Variants in CNTN1 observed in about 807,000 individuals in gnomAD.
CNTN1 encodes contactin 1.
A neutral mutation model predicts 126.4 loss-of-function variants in CNTN1; 38 were observed. The ratio of observed to expected loss-of-function variants is 0.30; its 90% CI spans 0.23 to 0.39. The LOEUF (loss-of-function observed/expected upper bound fraction) is 0.39, where lower values mean the gene tolerates loss of function less well. Ranked by LOEUF, CNTN1 falls within the 10% of genes least tolerant of loss-of-function variation. The pLI, the probability that CNTN1 is intolerant of heterozygous loss-of-function variation, is 1.00. For missense variants in CNTN1, 1,009 were observed against 1,248.4 expected (o/e 0.81, Z 2.89); for synonymous variants, 413 against 422.6 (o/e 0.98, Z 0.28).
At chr12:40,752,443 C>T (rs1670934615) in intron 1 of CNTN1, among the ~76,000 whole-genome samples, 1 of 152,038 alleles carries the variant, frequency 6.6e-6, no homozygotes, top group Non-Finnish European at 1.5e-5. Context: ...GGCATTAAAA[C>T]ATTTTAAGTG....
intron 6 of CNTN1, among the ~76,000 whole-genome samples, chr12:40,926,228 G>T (rs947117014): frequency 1.3e-5 from 2 of 148,442 alleles, no homozygotes; most frequent in Non-Finnish European, 3.0e-5. Flanking sequence ...TAGATATAAT[G>T]CAGGGAAGTG....
At position 40,866,132 on chromosome 12, in the gene CNTN1, T is replaced by G. The variant is rs934646411; in HGVS notation, c.-76-42225T>G. Among the ~76,000 whole-genome samples the G allele has an allele frequency of 2.0e-5, 3 of 152,202 alleles. No individual in the cohort carries two copies. The East Asian group carries it at 5.8e-4, about 29-fold the overall frequency. ...TTTTAGATTGTTCATTGCAAGTATA[T>G]AGAATATGATTATTTTTTGCATATT... On this transcript the variant is annotated intron_variant, in intron 1 of 23. Coordinates refer to ENST00000551295, the MANE Select transcript of CNTN1 (RefSeq NM_001843.4).
At chr12:40,821,529 A>C (rs1256548039) in intron 1 of CNTN1, among the ~76,000 whole-genome samples, 1 of 152,196 alleles carries the variant, frequency 6.6e-6, no homozygotes, top group African/African-American at 2.4e-5. Flanking sequence ...GTCTCATTTT[A>C]CATGGAGATT....
intron 17 of CNTN1, among the ~76,000 whole-genome samples, chr12:41,010,197 T>C (rs1334560159): frequency 6.6e-6 from 1 of 152,056 alleles, no homozygotes; most frequent in African/African-American, 2.4e-5. Context: ...GTGCTGTATG[T>C]TGGTTTGAGC....
intron 1 of CNTN1, among the ~76,000 whole-genome samples, chr12:40,883,163 T>A (rs562032660): frequency 6.6e-6 from 1 of 151,736 alleles, no homozygotes; most frequent in South Asian, 2.1e-4. Flanking sequence ...GAGGGGTATG[T>A]TTTTAGATTC....
chr12:40,968,836 G>A (rs780568730), intron 15 of CNTN1, among the ~76,000 whole-genome samples: 10 of 152,124 alleles, frequency 6.6e-5, no homozygotes, highest in South Asian at 2.1e-4. Flanking sequence ...CCTTCTTGAT[G>A]TTTAATGTTC....
chr12:40,725,766 G>C (rs1287078305), intron 1 of CNTN1, among the ~76,000 whole-genome samples: 3 of 152,114 alleles, frequency 2.0e-5, no homozygotes, highest in Non-Finnish European at 4.4e-5. Context: ...TATTGTTTTG[G>C]TGGAGTTGAG....
At chr12:40,898,552 C>A (rs527462113) in intron 1 of CNTN1, among the ~76,000 whole-genome samples, 3 of 151,936 alleles carry the variant, frequency 2.0e-5, no homozygotes, top group African/African-American at 4.8e-5. Context: ...ACATAAAATT[C>A]TCTTATGTTC....
intron 1 of CNTN1, among the ~76,000 whole-genome samples, chr12:40,707,247 T>C (rs868380631): frequency 0.56 from 62,593 of 112,504 alleles, 15,408 homozygotes; most frequent in East Asian, 0.75. Context: ...TTTTTTTTTT[T>C]TTTTTTTTTT....
At chr12:40,758,829 C>T (rs1189732975) in intron 1 of CNTN1, among the ~76,000 whole-genome samples, 1 of 152,108 alleles carries the variant, frequency 6.6e-6, no homozygotes, top group Non-Finnish European at 1.5e-5. Flanking sequence ...CCAGGGGAGA[C>T]ACAGCCTTCT....
chr12:40,758,101 T>C (rs1002449861), intron 1 of CNTN1, among the ~76,000 whole-genome samples: 1 of 150,990 alleles, frequency 6.6e-6, no homozygotes, highest in Non-Finnish European at 1.5e-5. Flanking sequence ...GAAAGAAATT[T>C]TTTCCACATT....
chr12:40,820,652 A>G (rs2136526338), intron 1 of CNTN1, among the ~76,000 whole-genome samples: 1 of 152,166 alleles, frequency 6.6e-6, no homozygotes, highest in East Asian at 1.9e-4. Context: ...GGATCACAGC[A>G]TCTCCCTCTC....
chr12:40,707,227 C>CTTTTCTTTTTTTTTTTTTTTT (rs1941782316), intron 1 of CNTN1, among the ~76,000 whole-genome samples: 1 of 109,166 alleles, frequency 9.2e-6, no homozygotes, highest in African/African-American at 3.8e-5. Flanking sequence ...TTTTCTTTTT[C>CTTTTCTTTTTTTTTTTTTTTT]TTTTTTTTTT....
At chr12:40,858,131 G>A (rs1942978819) in intron 1 of CNTN1, among the ~76,000 whole-genome samples, 1 of 152,076 alleles carries the variant, frequency 6.6e-6, no homozygotes, top group African/African-American at 2.4e-5. Context: ...CAGGACTAAG[G>A]TCCTGATTTC....
At chr12:40,827,631 T>G (rs1941657372) in intron 1 of CNTN1, among the ~76,000 whole-genome samples, 1 of 152,220 alleles carries the variant, frequency 6.6e-6, no homozygotes, top group Admixed American at 6.6e-5. Flanking sequence ...GTAGCATTTC[T>G]GCCAAAGAAA....
chr12:40,819,718 A>G (rs1021132619), intron 1 of CNTN1, among the ~76,000 whole-genome samples: 1 of 152,198 alleles, frequency 6.6e-6, no homozygotes. Context: ...CCTGGAGTTC[A>G]GTAAGCTTAA....
chr12:40,792,927 T>C (rs1277613857), intron 1 of CNTN1, among the ~76,000 whole-genome samples: 1 of 152,122 alleles, frequency 6.6e-6, no homozygotes, highest in African/African-American at 2.4e-5. Context: ...ACCACAGGAA[T>C]AGCTCTGAAA....
At chr12:40,930,235 C>A (rs1268388606) in intron 7 of CNTN1, among the ~76,000 whole-genome samples, 1 of 151,844 alleles carries the variant, frequency 6.6e-6, no homozygotes, top group East Asian at 1.9e-4. Context: ...GCCTCTAGCT[C>A]GGAAAATACA....
intron 23 of CNTN1, among the ~76,000 whole-genome samples, chr12:41,064,313 T>C (rs1359435110): frequency 6.6e-6 from 1 of 152,200 alleles, no homozygotes; most frequent in Non-Finnish European, 1.5e-5. Flanking sequence ...GTTCTGTTTC[T>C]TAAAACCAAA....
Sources: allele counts gnomAD v4.1 joint callset (sites outside exome capture counted in the v4.1 genomes callset), GRCh38; gene constraint gnomAD v4.1.1; transcripts MANE v1.5; gene names NCBI Gene and HGNC (gene_info 2026-07-23, HGNC 2026-07-21).